SLC26A9: variants seen among roughly 807,000 people sequenced by gnomAD.
SLC26A9 encodes anion transporter/exchanger protein 9.
SLC26A9 carries 46 observed loss-of-function variants against 87.1 expected under a neutral mutation model. The observed-to-expected ratio is 0.53, with a 90% CI of 0.42 to 0.67. SLC26A9 has a LOEUF of 0.67. Among genes scored for constraint, SLC26A9 ranks in the 30% least tolerant of loss-of-function variants. The probability of loss-of-function intolerance (pLI) is 0.00; values close to 1 mark genes in which losing one functional copy is unlikely to be tolerated. For synonymous variants in SLC26A9, 437 were observed against 409.1 expected (o/e 1.07, Z -0.82); for missense variants, 927 against 1,018.3 (o/e 0.91, Z 1.22).
chr1:205,939,691 C>A (rs1407733448), intron 1 of SLC26A9, among the ~76,000 whole-genome samples: 2 of 151,960 alleles, frequency 1.3e-5, no homozygotes, highest in East Asian at 1.9e-4. Flanking sequence ...AGAGAACTAG[C>A]AGGGATGGGA....
intron 5 of SLC26A9, among the ~76,000 whole-genome samples, chr1:205,931,019 G>A (rs1659281119): frequency 6.6e-6 from 1 of 152,182 alleles, no homozygotes; most frequent in African/African-American, 2.4e-5. Flanking sequence ...TTGTATCCCA[G>A]GGTTTAGCCT....
At chr1:205,923,707 A>G (rs771123281) in intron 13 of SLC26A9, 94 bp from the exon 14 acceptor site, 1 of 1,379,144 alleles carries the variant, frequency 7.3e-7, no homozygotes, top group East Asian at 2.3e-5. Flanking sequence ...GAGCCAAGGT[A>G]GGATGGGGTC....
intron 1 of SLC26A9, among the ~76,000 whole-genome samples, chr1:205,937,130 C>T (rs1027177181): frequency 5.3e-5 from 8 of 152,222 alleles, no homozygotes; most frequent in South Asian, 2.1e-4. Flanking sequence ...AGATTGTGCT[C>T]AAGTTGGTGA....
intron 18 of SLC26A9, among the ~76,000 whole-genome samples, chr1:205,919,896 C>T (rs768225221): frequency 3.9e-5 from 6 of 152,122 alleles, no homozygotes; most frequent in Non-Finnish European, 7.4e-5. Flanking sequence ...GCCAAGGATA[C>T]GTGGCAAATT....
Position 205,931,995 on chromosome 1 carries a change from A to G in SLC26A9, c.417T>C (p.Cys139=). ...AVISILVGNI[C]LQLAPESKFQ... The stretch of plus-strand genomic sequence containing the variant: ...ATTTCGACTCTGGGGCCAGCTGCAG[A>G]CAGATGTTACCCACCAGGATGCTGA... Residue 139 remains cysteine (C), a synonymous_variant, in exon 5 of 21, where the codon TGT becomes TGC. Coordinates refer to ENST00000367135, the MANE Select transcript of SLC26A9 (RefSeq NM_052934.4). The G allele has an allele frequency of 6.2e-7, 1 of 1,614,222 alleles. No homozygotes were observed. The highest frequency in any genetic ancestry group is 8.5e-7 in the Non-Finnish European group (1 of 1,180,032).
chr1:205,938,874 G>C (rs1015790332), intron 1 of SLC26A9, among the ~76,000 whole-genome samples: 1 of 152,208 alleles, frequency 6.6e-6, no homozygotes, highest in African/African-American at 2.4e-5. Context: ...GGAGGAAAGC[G>C]GCAGGGGTGG....
intron 20 of SLC26A9, among the ~76,000 whole-genome samples, chr1:205,916,744 G>C (rs1658606844): frequency 6.6e-6 from 1 of 152,152 alleles, no homozygotes. Context: ...AATAGATACT[G>C]GTTCTCTAGG....
chr1:205,924,595 C>A (rs1344367116), intron 12 of SLC26A9, 106 bp from the exon 13 acceptor site: 2 of 862,080 alleles, frequency 2.3e-6, no homozygotes, highest in Non-Finnish European at 3.6e-6. Flanking sequence ...AACCTCAGAG[C>A]CTCTCTTCTC....
intron 4 of SLC26A9, 84 bp from the exon 5 acceptor site, chr1:205,932,119 G>T: frequency 6.6e-7 from 1 of 1,522,376 alleles, no homozygotes; most frequent in Non-Finnish European, 8.9e-7. Context: ...AATGCTTCCC[G>T]ACCCCAGGGG....
At position 205,922,473 on chromosome 1, in the gene SLC26A9, C is replaced by T. The variant is rs368015666; in HGVS notation, c.1773+609G>A. The stretch of plus-strand genomic sequence containing the variant: ...TGCTAGCCCTGGGCTGCCTGGGTTC[C>T]CCAGGAAATTCACTGCTGTTCCCCC... On this transcript the variant is annotated intron_variant, in intron 16 of 20. Transcript: ENST00000367135. Among the ~76,000 whole-genome samples the T allele has an allele frequency of 1.4e-4, 22 of 152,312 alleles. 1 individual carries two copies. The highest frequency in any genetic ancestry group is 5.3e-4 in the African/African-American group (22 of 41,580).
rs1659124408 is a variant in SLC26A9, at chr1:205,927,514, T to A, written c.1193A>T (p.Asp398Val). Residue 398 changes from aspartate (D) to valine (V), a missense_variant, in exon 10 of 21, where the codon GAT becomes GTT. Transcript: ENST00000367135. ...CACCTGGGATTTTCCTCCAGCTCCATCCACAGCCAGAGTGACAGAAAGCGC... is the reference window on the plus strand; with the variant it reads ...CACCTGGGATTTTCCTCCAGCTCCAACCACAGCCAGAGTGACAGAAAGCGC... ...CCALSVTLAV[D>V]GAGGKSQVAS... The A allele has an allele frequency of 1.2e-6, 2 of 1,613,928 alleles. No homozygotes were observed.
At chr1:205,941,840 A>C (rs1019796247) in intron 1 of SLC26A9, among the ~76,000 whole-genome samples, 6 of 152,178 alleles carry the variant, frequency 3.9e-5, no homozygotes, top group South Asian at 4.1e-4. Flanking sequence ...AAATTCCTAG[A>C]AGTCTTTAAG....
intron 3 of SLC26A9, 61 bp downstream of exon 3, chr1:205,932,884 G>A (rs867491650): frequency 1.9e-6 from 3 of 1,607,786 alleles, no homozygotes; most frequent in Non-Finnish European, 1.7e-6. Flanking sequence ...ATGGAGTGGG[G>A]ATGAGGAGAG....
rs200492044 is a variant in SLC26A9, at chr1:205,933,010, A to G, written c.200T>C (p.Ile67Thr). 22 of 1,614,122 alleles carry G rather than the reference A, an allele frequency of 1.4e-5. No individual in the cohort carries two copies. The East Asian group carries it at 4.9e-4, about 36-fold the overall frequency. Residue 67 changes from isoleucine (I) to threonine (T), a missense_variant, in exon 3 of 21, where the codon ATT becomes ACT. Physicochemically the swap from Ile to Thr is moderately conservative, Grantham distance 89. Transcript: ENST00000367135. ...CAGGTCAGGAATGATGTAGTCTTTA[A>G]TCTTGTACTTGGGGAGCCAGGAGAG... ...PVLSWLPKYK[I>T]KDYIIPDLLG...
intron 7 of SLC26A9, 130 bp downstream of exon 7, chr1:205,929,074 A>G (rs1339010210): frequency 2.0e-6 from 3 of 1,466,970 alleles, no homozygotes; most frequent in African/African-American, 2.8e-5. Context: ...CATACGGGGG[A>G]TGGGATGGAT....
At position 205,923,430 on chromosome 1, in the gene SLC26A9, G is replaced by C. The variant is rs749278944; in HGVS notation, c.1567-3C>G. Reference sequence around the variant, plus strand: ...TTAATCCCCTGGATATCCTGGGCCTGTGACAGGGAGACTGAGCTCAAGTTG... The same window carrying C: ...TTAATCCCCTGGATATCCTGGGCCTCTGACAGGGAGACTGAGCTCAAGTTG... On this transcript the variant is annotated splice_region_variant and splice_polypyrimidine_tract_variant and intron_variant, in intron 14 of 20. Coordinates refer to ENST00000367135, the MANE Select transcript of SLC26A9 (RefSeq NM_052934.4). 1 of 1,614,190 alleles carries C rather than the reference G, an allele frequency of 6.2e-7. No individual in the cohort carries two copies. The highest frequency in any genetic ancestry group is 1.1e-5 in the South Asian group (1 of 91,078).
In SLC26A9 at chr1:205,917,375, G is replaced by A. The variant is rs368145918; in HGVS notation, c.2257-21C>T. ...GGAGCCTGGAAGGGAGGAAGCCAGTGCAGAATGAGCTTCAGTGACTGAACA... is the reference window on the plus strand; with the variant it reads ...GGAGCCTGGAAGGGAGGAAGCCAGTACAGAATGAGCTTCAGTGACTGAACA... On this transcript the variant is annotated intron_variant, in intron 19 of 20. Coordinates refer to ENST00000367135, the MANE Select transcript of SLC26A9 (RefSeq NM_052934.4). 8.1e-6 allele frequency: 13 copies of A among 1,613,428 alleles called. No individual in the cohort carries two copies. The African/African-American group carries it at 1.6e-4, about 20-fold the overall frequency.
chr1:205,915,454 A>T (rs772516800), intron 20 of SLC26A9, 50 bp from the exon 21 acceptor site: 1 of 1,612,732 alleles, frequency 6.2e-7, no homozygotes, highest in South Asian at 1.1e-5. Flanking sequence ...AGGTTAGACC[A>T]GTTGGGGTCA....
Position 205,917,430 on chromosome 1 carries a change from G to A in SLC26A9, c.2257-76C>T, listed in dbSNP as rs546395106. On this transcript the variant is annotated intron_variant, in intron 19 of 20. Transcript: ENST00000367135. ...AGTTGGTGCATGGTGGCAGGAAAAG[G>A]GACAGGTGGCCGGCTCTGGTTGGAC... The A allele has an allele frequency of 5.5e-4, 808 of 1,468,626 alleles. 14 individuals are homozygous for A. In the South Asian group the frequency reaches 8.7e-3, roughly 16 times the overall value. 91.0% of individuals were successfully genotyped at this position (1,468,626 alleles called of 1,614,324 possible). A position where few individuals can be genotyped will look rare whatever the true frequency, so the allele number is the denominator to read the frequency against.
Sources: gnomAD v4.1 joint callset for allele counts (sites outside exome capture counted in the v4.1 genomes callset) on GRCh38, gnomAD v4.1.1 for gene constraint, MANE v1.5 for transcripts, NCBI Gene and HGNC (gene_info 2026-07-23, HGNC 2026-07-21) for gene names.